PKHD1: variants seen among roughly 807,000 people sequenced by gnomAD.
PKHD1 encodes the protein fibrocystin.
A neutral mutation model predicts 412.0 loss-of-function variants in PKHD1; 291 were observed. That is an observed-to-expected ratio of 0.71 (90% confidence interval 0.64 to 0.78). The LOEUF (loss-of-function observed/expected upper bound fraction) is 0.78, where lower values mean the gene tolerates loss of function less well. PKHD1 is among the 30% of genes least tolerant of loss of function. PKHD1 has a pLI of 0.00. For synonymous variants in PKHD1, 1,777 were observed against 1,821.5 expected (o/e 0.98, Z 0.62); for missense variants, 4,825 against 4,950.7 (o/e 0.97, Z 0.76).
In PKHD1 at chr6:51,934,272, C is replaced by T. The variant is rs375949362; in HGVS notation, c.5959G>A (p.Ala1987Thr). 1.5e-5 allele frequency: 24 copies of T among 1,613,520 alleles called. No individual in the cohort carries two copies. Among genetic ancestry groups the T allele is most frequent in the Non-Finnish European group, 1.7e-5 (20 of 1,179,924 alleles). ...TCTCCACCATCAGAAACAAGGATGG[C>T]GTGTGCCCTGAGCTCGATGGGTCCT... The part of the protein sequence containing the change: ...APGPIELRAH[A>T]ILVSDGGELR... Residue 1987 changes from alanine (A) to threonine (T), a missense_variant, in exon 37 of 67, where the codon GCC (alanine) becomes ACC (threonine). Coordinates refer to ENST00000371117, the MANE Select transcript of PKHD1 (RefSeq NM_138694.4).
At chr6:51,638,396 A>G (rs941131196) in intron 64 of PKHD1, among the ~76,000 whole-genome samples, 1 of 152,162 alleles carries the variant, frequency 6.6e-6, no homozygotes, top group Non-Finnish European at 1.5e-5. Context: ...ACTGGATCAG[A>G]TATGCAATTT....
At chr6:51,807,485 A>ATATATATGTG (rs765667001) in intron 52 of PKHD1, among the ~76,000 whole-genome samples, 31 of 111,766 alleles carry the variant, frequency 2.8e-4, no homozygotes, top group African/African-American at 1.2e-3. Context: ...ATATATGTAT[A>ATATATATGTG]TGTGTGTGTG....
chr6:51,897,212 C>G (rs979803811), intron 43 of PKHD1, among the ~76,000 whole-genome samples: 2 of 152,054 alleles, frequency 1.3e-5, no homozygotes, highest in African/African-American at 4.8e-5. Flanking sequence ...ACATAATTGT[C>G]AGATTCACCA....
At chr6:51,698,600 A>C (rs534853399) in intron 60 of PKHD1, among the ~76,000 whole-genome samples, 2 of 152,312 alleles carry the variant, frequency 1.3e-5, no homozygotes, top group African/African-American at 4.8e-5. Flanking sequence ...CACAAGCATC[A>C]ATCATTTAAT....
intron 49 of PKHD1, among the ~76,000 whole-genome samples, chr6:51,848,952 A>C (rs1242362588): frequency 7.5e-6 from 1 of 133,222 alleles, no homozygotes; most frequent in Non-Finnish European, 1.6e-5. Context: ...AAAAAAAAAA[A>C]CAGGATACAG....
intron 52 of PKHD1, among the ~76,000 whole-genome samples, chr6:51,827,086 A>G (rs891848280): frequency 6.6e-6 from 1 of 152,164 alleles, no homozygotes. Context: ...TTTACCAGTC[A>G]CTTTCATTTT....
chr6:51,624,577 AT>A (rs1438755360), intron 66 of PKHD1, among the ~76,000 whole-genome samples: 2 of 152,106 alleles, frequency 1.3e-5, no homozygotes, highest in African/African-American at 4.8e-5. Context: ...CTATTAATAC[AT>A]TTCTTTTAGA....
chr6:52,058,683 T>A (rs1312615348), intron 15 of PKHD1, 82 bp from the exon 16 acceptor site: 1 of 1,384,902 alleles, frequency 7.2e-7, no homozygotes, highest in Non-Finnish European at 1.0e-6. Context: ...TCTGAACTGC[T>A]ACTATCAAGA....
chr6:51,994,882 C>T (rs944905199), intron 35 of PKHD1, among the ~76,000 whole-genome samples: 1 of 152,150 alleles, frequency 6.6e-6, no homozygotes, highest in African/African-American at 2.4e-5. Context: ...CTCGCCCAGC[C>T]ATGAGGTTTT....
chr6:51,818,695 G>A (rs1250368902), intron 52 of PKHD1, among the ~76,000 whole-genome samples: 1 of 152,126 alleles, frequency 6.6e-6, no homozygotes, highest in African/African-American at 2.4e-5. Context: ...TCCTTTCCAG[G>A]TAGAAGTGGC....
chr6:51,710,116 G>A (rs1416524273), intron 60 of PKHD1, among the ~76,000 whole-genome samples: 5 of 151,960 alleles, frequency 3.3e-5, no homozygotes, highest in Admixed American at 6.6e-5. Flanking sequence ...AAGCTGAGGC[G>A]GGAGAATTGC....
intron 29 of PKHD1, among the ~76,000 whole-genome samples, chr6:52,030,136 C>A (rs945329050): frequency 6.6e-6 from 1 of 152,012 alleles, no homozygotes; most frequent in Non-Finnish European, 1.5e-5. Flanking sequence ...TGGGATGCCA[C>A]GGCCAATTAG....
intron 51 of PKHD1, among the ~76,000 whole-genome samples, 159 bp from the exon 52 acceptor site, chr6:51,831,148 T>C (rs1768181892): frequency 6.6e-6 from 1 of 152,192 alleles, no homozygotes; most frequent in Non-Finnish European, 1.5e-5. Context: ...AAAAAGCAAG[T>C]AATTATTCAA....
chr6:51,714,111 C>T (rs950939960), intron 60 of PKHD1, among the ~76,000 whole-genome samples: 5 of 152,124 alleles, frequency 3.3e-5, no homozygotes, highest in African/African-American at 1.2e-4. Flanking sequence ...GTGGCTCAGG[C>T]CTGTAATCCC....
intron 32 of PKHD1, among the ~76,000 whole-genome samples, chr6:52,023,184 A>G (rs1489596961): frequency 6.6e-6 from 1 of 151,956 alleles, no homozygotes; most frequent in Non-Finnish European, 1.5e-5. Context: ...TTAATGTAAC[A>G]ATTTTTATAT....
At chr6:51,962,176 T>C (rs1047386571) in intron 35 of PKHD1, among the ~76,000 whole-genome samples, 1 of 152,070 alleles carries the variant, frequency 6.6e-6, no homozygotes, top group Non-Finnish European at 1.5e-5. Flanking sequence ...GTAAGAAATA[T>C]GAAGACTTCA....
chr6:51,681,251 A>C (rs952246406), intron 60 of PKHD1, among the ~76,000 whole-genome samples: 1 of 151,986 alleles, frequency 6.6e-6, no homozygotes, highest in Non-Finnish European at 1.5e-5. Flanking sequence ...ATCAGCTTCT[A>C]GGATGTATTT....
At chr6:51,735,386 T>C (rs1050335402) in intron 60 of PKHD1, among the ~76,000 whole-genome samples, 4 of 152,220 alleles carry the variant, frequency 2.6e-5, no homozygotes, top group Admixed American at 6.5e-5. Flanking sequence ...AATGAGAGTA[T>C]TTATAAACTA....
intron 50 of PKHD1, among the ~76,000 whole-genome samples, chr6:51,839,290 T>C (rs1256582238): frequency 2.6e-5 from 4 of 152,254 alleles, no homozygotes; most frequent in Non-Finnish European, 1.5e-5. Context: ...TCAGTGCTTA[T>C]GATTTCTGAT....
Sources: gnomAD v4.1 joint callset for allele counts (sites outside exome capture counted in the v4.1 genomes callset) on GRCh38, gnomAD v4.1.1 for gene constraint, MANE v1.5 for transcripts, NCBI Gene and HGNC (gene_info 2026-07-23, HGNC 2026-07-21) for gene names.